Variants in ZNF676 observed in about 807,000 individuals in gnomAD.
The protein encoded by ZNF676 is zinc finger protein 676.
A neutral mutation model predicts 6.0 loss-of-function variants in ZNF676; 4 were observed. That is an observed-to-expected ratio of 0.67 (90% CI 0.33 to 1.53). ZNF676 has a LOEUF of 1.53. Ranked by LOEUF, ZNF676 falls within the 40% of genes most tolerant of loss-of-function variation. ZNF676 has a pLI of 0.06. For missense variants in ZNF676, 644 were observed against 679.7 expected (o/e 0.95, Z 0.58); for synonymous variants, 198 against 223.1 (o/e 0.89, Z 1.00).
At chr19:22,235,028 G>GAAAAGA in the ZNF676 span, among the ~76,000 whole-genome samples, 343 of 62,262 alleles carry the variant, frequency 5.5e-3, 2 homozygotes, top group East Asian at 8.1e-3. Context: ...AAGAAAGAAA[G>GAAAAGA]AAAGAAAAGA....
At chr19:22,249,085 T>G in the ZNF676 span, among the ~76,000 whole-genome samples, 2 of 152,208 alleles carry the variant, frequency 1.3e-5, no homozygotes, top group African/African-American at 4.8e-5. Flanking sequence ...AAATAATAAA[T>G]GCTTAAGTCT....
At chr19:22,259,062 C>T in the ZNF676 span, among the ~76,000 whole-genome samples, 1 of 151,938 alleles carries the variant, frequency 6.6e-6, no homozygotes, top group African/African-American at 2.4e-5. Context: ...ACCAACTCAT[C>T]CTATTGCTGG....
the ZNF676 span, among the ~76,000 whole-genome samples, chr19:22,237,156 A>G: frequency 1.3e-5 from 2 of 152,196 alleles, no homozygotes; most frequent in African/African-American, 4.8e-5. Flanking sequence ...CAGTATCCCA[A>G]TGTGCCTAAG....
At chr19:22,214,645 TTAC>T (rs1288514966) in intron 1 of ZNF676, among the ~76,000 whole-genome samples, 2 of 150,060 alleles carry the variant, frequency 1.3e-5, no homozygotes, top group African/African-American at 4.9e-5. Flanking sequence ...TTTTTTTAAA[TTAC>T]TACATTGGGG....
intron 1 of ZNF676, among the ~76,000 whole-genome samples, chr19:22,202,289 G>T (rs2024033978): frequency 6.6e-6 from 1 of 152,062 alleles, no homozygotes. Context: ...ATTGAAAGAG[G>T]TAAAACGGTT....
upstream of ZNF676, among the ~76,000 whole-genome samples, chr19:22,201,198 G>C (rs1205726911): frequency 6.6e-6 from 1 of 152,106 alleles, no homozygotes; most frequent in Non-Finnish European, 1.5e-5. Context: ...GTATAGTTGT[G>C]GTGTGGCTCT....
upstream of ZNF676, among the ~76,000 whole-genome samples, chr19:22,201,777 T>C (rs943898356): frequency 4.8e-5 from 7 of 145,398 alleles, no homozygotes; most frequent in African/African-American, 1.0e-4. Flanking sequence ...GTGAATGAGC[T>C]GATACGAAAT....
intron 2 of ZNF676, among the ~76,000 whole-genome samples, chr19:22,190,662 T>C (rs921008021): frequency 5.7e-5 from 7 of 122,446 alleles, no homozygotes; most frequent in East Asian, 2.0e-4. Flanking sequence ...TATATATATA[T>C]ATACATACAC....
At chr19:22,201,624 GAC>G (rs1001661781), upstream of ZNF676, among the ~76,000 whole-genome samples, 1 of 147,890 alleles carries the variant, frequency 6.8e-6, no homozygotes, top group African/African-American at 2.5e-5. Context: ...AACATAAGCA[GAC>G]AGTTTATTTG....
intron 2 of ZNF676, among the ~76,000 whole-genome samples, chr19:22,192,657 G>A (rs1276790261): frequency 2.0e-5 from 3 of 151,984 alleles, no homozygotes; most frequent in Admixed American, 2.0e-4. Flanking sequence ...CAGAGATGAT[G>A]GAAAAAGAGA....
At chr19:22,208,476 A>G (rs1455893981) in intron 1 of ZNF676, among the ~76,000 whole-genome samples, 2 of 152,184 alleles carry the variant, frequency 1.3e-5, no homozygotes, top group Non-Finnish European at 2.9e-5. Flanking sequence ...TTCCTCACTA[A>G]ACTAAAAATA....
At chr19:22,213,611 C>T (rs2024153443) in intron 1 of ZNF676, among the ~76,000 whole-genome samples, 1 of 151,656 alleles carries the variant, frequency 6.6e-6, no homozygotes, top group Non-Finnish European at 1.5e-5. Context: ...AGAGGCTACA[C>T]TCCATACCTC....
chr19:22,255,266 A>G, the ZNF676 span, among the ~76,000 whole-genome samples: 1 of 152,132 alleles, frequency 6.6e-6, no homozygotes, highest in Non-Finnish European at 1.5e-5. Context: ...CAGAACCTCA[A>G]AATTGGCTGG....
chr19:22,258,951 T>C, the ZNF676 span, among the ~76,000 whole-genome samples: 16 of 152,184 alleles, frequency 1.1e-4, no homozygotes, highest in Admixed American at 2.6e-4. Context: ...CTGGGGACTT[T>C]ATCTCTGCAT....
the ZNF676 span, among the ~76,000 whole-genome samples, chr19:22,252,333 T>C: frequency 6.8e-6 from 1 of 146,440 alleles, no homozygotes; most frequent in African/African-American, 2.5e-5. Flanking sequence ...AGGCGGAAGC[T>C]GCAGTGAGCT....
the ZNF676 span, among the ~76,000 whole-genome samples, chr19:22,246,852 C>T: frequency 6.6e-6 from 1 of 152,234 alleles, no homozygotes; most frequent in Non-Finnish European, 1.5e-5. Flanking sequence ...TTGTCTCAAT[C>T]CCTCCTATGG....
the ZNF676 span, among the ~76,000 whole-genome samples, chr19:22,258,560 A>G: frequency 6.6e-6 from 1 of 152,180 alleles, no homozygotes; most frequent in Admixed American, 6.5e-5. Flanking sequence ...CACATCACCT[A>G]TGTAATGGTC....
chr19:22,226,244 C>T, the ZNF676 span, among the ~76,000 whole-genome samples: 24 of 152,108 alleles, frequency 1.6e-4, no homozygotes, highest in Admixed American at 4.6e-4. Context: ...CATTTCTGGG[C>T]TCTCTATTCT....
the ZNF676 span, among the ~76,000 whole-genome samples, chr19:22,251,008 G>A: frequency 2.0e-5 from 3 of 152,110 alleles, no homozygotes; most frequent in Non-Finnish European, 4.4e-5. Flanking sequence ...CACTATGCCT[G>A]GCCAGGAATG....
Sources: gnomAD v4.1 joint callset for allele counts (sites outside exome capture counted in the v4.1 genomes callset) on GRCh38, gnomAD v4.1.1 for gene constraint, MANE v1.5 for transcripts, NCBI Gene and HGNC (gene_info 2026-07-23, HGNC 2026-07-21) for gene names.